Variants in TTC12 observed in about 807,000 individuals in gnomAD.
TTC12 encodes the protein tetratricopeptide repeat domain 12.
Under a neutral mutation model 90.1 loss-of-function variants are expected in TTC12, and 70 were observed. That is an observed-to-expected ratio of 0.78 (90% CI 0.64 to 0.95). The LOEUF is 0.95. Ranked by LOEUF, TTC12 falls within the 40% of genes least tolerant of loss-of-function variation. The pLI, the probability that TTC12 is intolerant of heterozygous loss-of-function variation, is 0.00. For missense variants in TTC12, 819 were observed against 846.1 expected (o/e 0.97, Z 0.40); for synonymous variants, 296 against 311.5 (o/e 0.95, Z 0.53).
At chr11:113,370,912 G>A (rs992198240), downstream of TTC12, among the ~76,000 whole-genome samples, 6 of 152,098 alleles carry the variant, frequency 3.9e-5, no homozygotes, top group African/African-American at 1.4e-4. Flanking sequence ...CAGCAGCTCT[G>A]GATGCTCATT....
rs1480919702 is a variant in TTC12, at chr11:113,366,350, T to G, written c.*50T>G. On this transcript the variant is annotated 3_prime_UTR_variant, in exon 22 of 22. Transcript: ENST00000529221. ...GGGGAACACACAGATGCACACCGTG[T>G]GTTGTTCCTATGCTAATAAAGACCT... The G allele has an allele frequency of 6.2e-7, 1 of 1,609,346 alleles. No individual in the cohort carries two copies. Among genetic ancestry groups the G allele is most frequent in the Admixed American group, 1.7e-5 (1 of 60,000 alleles).
At chr11:113,346,747 T>A (rs375462986) in intron 13 of TTC12, among the ~76,000 whole-genome samples, 48 of 123,174 alleles carry the variant, frequency 3.9e-4, no homozygotes, top group Middle Eastern at 0.01. Flanking sequence ...CAGCATCTGC[T>A]ACAGAAAAAA....
At chr11:113,356,677 A>T (rs1949654205) in intron 16 of TTC12, among the ~76,000 whole-genome samples, 1 of 151,844 alleles carries the variant, frequency 6.6e-6, no homozygotes, top group South Asian at 2.1e-4. Context: ...TTTCTCCTTT[A>T]CTTATGAAGT....
intron 19 of TTC12, among the ~76,000 whole-genome samples, chr11:113,362,715 G>C (rs1344409252): frequency 6.6e-6 from 1 of 152,112 alleles, no homozygotes; most frequent in Admixed American, 6.6e-5. Flanking sequence ...TAAGAAAATT[G>C]TTCATTAGAT....
At chr11:113,336,513 C>T (rs935379849) in intron 8 of TTC12, among the ~76,000 whole-genome samples, 1 of 152,048 alleles carries the variant, frequency 6.6e-6, no homozygotes, top group Non-Finnish European at 1.5e-5. Context: ...ATGGCTTTAG[C>T]TCTTAAATTT....
At chr11:113,364,771 C>G in intron 20 of TTC12, 64 bp from the exon 21 acceptor site, 1 of 1,394,678 alleles carries the variant, frequency 7.2e-7, no homozygotes, top group South Asian at 1.2e-5. Flanking sequence ...CCCTCATGTC[C>G]TGTTGCCAGC....
intron 8 of TTC12, among the ~76,000 whole-genome samples, chr11:113,338,309 G>A (rs1030192578): frequency 1.3e-5 from 2 of 152,060 alleles, no homozygotes; most frequent in African/African-American, 2.4e-5. Context: ...ATCCCTTACC[G>A]GTTCTCTTCG....
chr11:113,325,771 G>A (rs61903987), intron 6 of TTC12, 126 bp downstream of exon 6: 11 of 1,272,792 alleles, frequency 8.6e-6, no homozygotes, highest in Non-Finnish European at 1.2e-5. Context: ...CTTGTTTTAA[G>A]TGTGGGAGGA....
At chr11:113,340,956 G>A (rs116798584) in intron 11 of TTC12, among the ~76,000 whole-genome samples, 1 of 152,310 alleles carries the variant, frequency 6.6e-6, no homozygotes, top group East Asian at 1.9e-4. Flanking sequence ...GAGGCTGGGC[G>A]CGGTGGCTCA....
intron 16 of TTC12, among the ~76,000 whole-genome samples, chr11:113,358,328 G>A (rs143362184): frequency 5.8e-4 from 88 of 152,278 alleles, no homozygotes; most frequent in African/African-American, 1.9e-3. Context: ...CCTGGGCCCA[G>A]GGGAAGCTGC....
At position 113,359,556 on chromosome 11, in the gene TTC12, C is replaced by T. The variant is rs562349753; in HGVS notation, c.1545+95C>T. On this transcript the variant is annotated intron_variant, in intron 17 of 21. Transcript: ENST00000529221. ...TCTCATGTTCACGAAGAGACAGAAG[C>T]ATGTACACTCACACACTGGCCGTGG... 1.4e-5 allele frequency: 12 copies of T among 835,762 alleles called. No homozygotes were observed. In the East Asian group the frequency reaches 2.9e-4, roughly 20 times the overall value. 51.8% of individuals were successfully genotyped at this position (835,762 alleles called of 1,614,324 possible).
At chr11:113,351,160 A>C (rs1322367485) in intron 14 of TTC12, 79 bp from the exon 15 acceptor site, 2 of 1,375,988 alleles carry the variant, frequency 1.5e-6, no homozygotes, top group African/African-American at 2.8e-5. Flanking sequence ...AGTTTGCAAC[A>C]TTAACTATCT....
intron 18 of TTC12, among the ~76,000 whole-genome samples, chr11:113,361,562 G>A (rs934860183): frequency 5.4e-5 from 8 of 147,082 alleles, no homozygotes; most frequent in South Asian, 2.2e-4. Flanking sequence ...GTGGAGCTGC[G>A]TTTGCTGGCA....
rs1328504705 is a variant in TTC12 at position 113,362,739 on chromosome 11, C to T, written c.1716+237C>T. The stretch of plus-strand genomic sequence containing the variant: ...TGTTCATTAGATACATCTATAAAAC[C>T]TGCTTACCCCTCAAGCCTGACTTAA... On this transcript the variant is annotated intron_variant, in intron 19 of 21. Transcript: ENST00000529221. Among the ~76,000 whole-genome samples the T allele has an allele frequency of 2.0e-5, 3 of 152,150 alleles. No individual in the cohort carries two copies. In the East Asian group the frequency reaches 5.8e-4, roughly 29 times the overall value.
At chr11:113,355,078 A>C (rs1394828667) in intron 16 of TTC12, among the ~76,000 whole-genome samples, 3 of 152,154 alleles carry the variant, frequency 2.0e-5, no homozygotes, top group Non-Finnish European at 4.4e-5. Flanking sequence ...CTGTGAATCT[A>C]GCTGGTCCTG....
intron 18 of TTC12, among the ~76,000 whole-genome samples, chr11:113,360,870 G>A (rs1555154689): frequency 6.6e-6 from 1 of 152,216 alleles, no homozygotes; most frequent in African/African-American, 2.4e-5. Context: ...TAGGGCAAAG[G>A]TTTTGTGCGT....
chr11:113,324,281 T>C, intron 4 of TTC12: 1 of 534,342 alleles, frequency 1.9e-6, no homozygotes, highest in African/African-American at 1.9e-5. Flanking sequence ...ATCCAGATAG[T>C]TTCTCTGTTG....
intron 6 of TTC12, chr11:113,329,617 C>T (rs535159532): frequency 2.0e-6 from 1 of 511,034 alleles, no homozygotes; most frequent in African/African-American, 1.9e-5. Flanking sequence ...TTCATTGCTC[C>T]CTCCTTCTGC....
intron 16 of TTC12, among the ~76,000 whole-genome samples, chr11:113,355,000 C>T (rs1949541551): frequency 6.6e-6 from 1 of 152,122 alleles, no homozygotes; most frequent in East Asian, 1.9e-4. Flanking sequence ...GTCCCTCTTC[C>T]TTGATATTTT....
Sources: gnomAD v4.1 joint callset for allele counts (sites outside exome capture counted in the v4.1 genomes callset) on GRCh38, gnomAD v4.1.1 for gene constraint, MANE v1.5 for transcripts, NCBI Gene and HGNC (gene_info 2026-07-23, HGNC 2026-07-21) for gene names.